The following EPPK1 variants were observed in gnomAD, a reference collection of about 807,000 sequenced individuals.
EPPK1 encodes epiplakin.
For missense variants in EPPK1, 3,823 were observed against 3,673.3 expected (o/e 1.04, Z -1.05); for synonymous variants, 1,862 against 1,721.2 (o/e 1.08, Z -2.03).
Position 143,868,872 on chromosome 8 carries a change from C to A in EPPK1, c.4382G>T (p.Arg1461Met). ...RAMKVPVSTG[R>M]FKGCSVSLWD... ...GAGTGACACGCTACACCCCTTAAAC[C>A]TCCCTGTGCTGACGGGCACCTTCAT... Residue 1461 changes from arginine to methionine, a missense_variant, in exon 2 of 2, where the codon AGG becomes ATG. Arg to Met is a moderately conservative substitution (Grantham distance 91). Transcript: ENST00000615648. The A allele has an allele frequency of 6.2e-7, 1 of 1,610,518 alleles. No individual in the cohort carries two copies.
At chr8:143,878,375 G>GCCCGCACCCGCA (rs1480987671) in intron 1 of EPPK1, 63 bp downstream of exon 1, 18 of 124,748 alleles carry the variant, frequency 1.4e-4, no homozygotes, top group African/African-American at 5.7e-4. Flanking sequence ...CGCCGCACCT[G>GCCCGCACCCGCA]CCCGCACCCG....
In EPPK1 at chr8:143,869,302, C is replaced by G. The variant is rs782252062; in HGVS notation, c.3952G>C (p.Gly1318Arg). ...CCGGCCGCCGCCCTCTCGGCCTGCC[C>G]GAGCTGCTCACTCAGCTCCCTGCCC... is the stretch of plus-strand genomic sequence containing the variant. ...LVGRELSEQL[G>R]QAERAAAGYP... The change falls in exon 2 of 2, where the codon GGG becomes CGG. Residue 1318 changes from glycine (G) to arginine (R), a missense_variant. Gly to Arg is a moderately radical substitution (Grantham distance 125). Coordinates refer to ENST00000615648, the MANE Select transcript of EPPK1 (RefSeq NM_031308.4). 4 of 1,604,760 alleles carry G rather than the reference C, an allele frequency of 2.5e-6. No homozygotes were observed. Among genetic ancestry groups the G allele is most frequent in the Non-Finnish European group, 3.4e-6 (4 of 1,175,378 alleles).
At chr8:143,874,278 G>A (rs1339996367) in intron 1 of EPPK1, among the ~76,000 whole-genome samples, 3 of 152,240 alleles carry the variant, frequency 2.0e-5, no homozygotes, top group Non-Finnish European at 4.4e-5. Flanking sequence ...ACCCAGGCCT[G>A]TCCCCTTCTG....
In EPPK1 at chr8:143,868,604, C is replaced by T. The variant is rs186732658; in HGVS notation, c.4650G>A (p.Gly1550=). ...CCGCCACCTCCTTCACAGTCGTTGT[C>T]CCCTGGCTCAGCTCGTCCAGCGTCT... ...SRKTLDELSQ[G]TTTVKEVAEM... is the part of the protein sequence containing the mutation. Residue 1550 remains glycine, a synonymous_variant, in exon 2 of 2, where the codon GGG becomes GGA. Transcript: ENST00000615648. 3.1e-6 allele frequency: 5 copies of T among 1,603,204 alleles called. No individual in the cohort carries two copies. In the East Asian group the frequency reaches 1.1e-4, roughly 36 times the overall value.
chr8:143,876,931 C>T (rs1245308758), intron 1 of EPPK1, among the ~76,000 whole-genome samples: 2 of 152,178 alleles, frequency 1.3e-5, no homozygotes, highest in Admixed American at 6.5e-5. Flanking sequence ...CTTGGGCGGG[C>T]CCCTGACCTG....
intron 1 of EPPK1, among the ~76,000 whole-genome samples, 155 bp from the exon 2 acceptor site, chr8:143,873,453 G>A (rs1819422090): frequency 2.6e-5 from 4 of 152,092 alleles, no homozygotes. Flanking sequence ...CTGCCCAGGA[G>A]CACTCTGCCG....
intron 1 of EPPK1, 64 bp downstream of exon 1, chr8:143,878,374 T>TGCCCGCACCCGCCGCACCCGCCCGCACCC (rs1819524627): frequency 1.1e-5 from 1 of 92,278 alleles, no homozygotes; most frequent in African/African-American, 5.3e-5. Flanking sequence ...CCGCCGCACC[T>TGCCCGCACCCGCCGCACCCGCCCGCACCC]GCCCGCACCC....
rs1554659715 is a variant in EPPK1 at position 143,867,988 on chromosome 8, G to A, written c.5266C>T (p.Leu1756=). The A allele has an allele frequency of 1.2e-6, 2 of 1,613,700 alleles. No homozygotes were observed. The highest frequency in any genetic ancestry group is 2.2e-5 in the East Asian group (1 of 44,886). ...CVEDPETGLY[L]LQIIKKGENY... ...TCTCCTTTCTTTATGATTTGTAGCAGGTACAGGCCCGTCTCGGGGTCCTCC... is the reference window on the plus strand; with the variant it reads ...TCTCCTTTCTTTATGATTTGTAGCAAGTACAGGCCCGTCTCGGGGTCCTCC... The change falls in exon 2 of 2, where the codon CTG becomes TTG. Residue 1756 remains leucine (L), a synonymous_variant. Coordinates refer to ENST00000615648, the MANE Select transcript of EPPK1 (RefSeq NM_031308.4).
chr8:143,870,307 A>G lies in EPPK1; in HGVS notation c.2947T>C (p.Ser983Pro), dbSNP rs782535367. Residue 983 changes from serine (S) to proline (P), a missense_variant, in exon 2 of 2, where the codon TCG (serine) becomes CCG (proline). Coordinates refer to ENST00000615648, the MANE Select transcript of EPPK1 (RefSeq NM_031308.4). The surrounding 1 kb of genome is among the most constrained non-coding windows in gnomAD (Gnocchi z 5.2). ...CCCCTGCGCACGGCCTCATCCACCGAGAGGCTCTCTGGGCTGTGAGGGTCC... is the reference window on the plus strand; with the variant it reads ...CCCCTGCGCACGGCCTCATCCACCGGGAGGCTCTCTGGGCTGTGAGGGTCC... ...IMDPHSPESL[S>P]VDEAVRRGVV... 15 of 1,577,690 alleles carry G rather than the reference A, an allele frequency of 9.5e-6. No individual in the cohort carries two copies. The highest frequency in any genetic ancestry group is 1.3e-5 in the African/African-American group (1 of 74,078).
Position 143,872,254 on chromosome 8 carries a change from C to T in EPPK1, c.1000G>A (p.Gly334Ser), listed in dbSNP as rs182651591. The change falls in exon 2 of 2, where the codon GGC (glycine) becomes AGC (serine). Residue 334 changes from glycine (G) to serine (S), a missense_variant. Coordinates refer to ENST00000615648, the MANE Select transcript of EPPK1 (RefSeq NM_031308.4). ...GCCTCGTCTACCCACAGCCGCTGGC[C>T]TGTGATGGGGTCCACCAGGGTGTGG... ...ATHTLVDPIT[G>S]QRLWVDEAVR... The T allele has an allele frequency of 1.2e-5, 19 of 1,609,700 alleles. No homozygotes were observed. Among genetic ancestry groups the T allele is most frequent in the East Asian group, 4.5e-5 (2 of 44,854 alleles).
chr8:143,867,677 C>T lies in EPPK1; in HGVS notation c.5577G>A (p.Leu1859=), dbSNP rs782342687. 33 of 1,613,358 alleles carry T rather than the reference C, an allele frequency of 2.0e-5. No homozygotes were observed. The highest frequency in any genetic ancestry group is 2.7e-5 in the Non-Finnish European group (32 of 1,179,842). The change falls in exon 2 of 2, where the codon CTG becomes CTA. Residue 1859 remains leucine (L), a synonymous_variant. Coordinates refer to ENST00000615648, the MANE Select transcript of EPPK1 (RefSeq NM_031308.4). ...TCTGATCGATGACCCTGGAGTTGAA[C>T]AGGTCTGCAGCTGTCACCTCCCCTC... is the stretch of plus-strand genomic sequence containing the variant. The part of the protein sequence containing the change: ...AIRGEVTAAD[L]FNSRVIDQKT...
At position 143,872,826 on chromosome 8, in the gene EPPK1, T is replaced by C. The variant is rs966497949; in HGVS notation, c.428A>G (p.Asp143Gly). Reference protein sequence around the residue: ...LFQAIGKEVVDRALGQSWLEV... With the variant: ...LFQAIGKEVVGRALGQSWLEV... The stretch of plus-strand genomic sequence containing the variant: ...CAGCCAGCTCTGCCCCAGGGCCCTG[T>C]CCACAACCTCCTTCCCGATGGCCTG... The change falls in exon 2 of 2, where the codon GAC becomes GGC. Residue 143 changes from aspartate to glycine, a missense_variant. Asp to Gly is a moderately conservative substitution (Grantham distance 94, BLOSUM62 -1). Transcript: ENST00000615648. 12 of 1,561,446 alleles carry C rather than the reference T, an allele frequency of 7.7e-6. No individual in the cohort carries two copies. Among genetic ancestry groups the C allele is most frequent in the African/African-American group, 1.4e-5 (1 of 73,134 alleles).
rs1039624880 is a variant in EPPK1 at position 143,857,913 on chromosome 8, A to C, written c.*74T>G. ...AAGAATGACAAAAAAAAAAAAAAAA[A>C]AAAAAACAACCCAGACACACAAGTA... On this transcript the variant is annotated 3_prime_UTR_variant, in exon 2 of 2. Transcript: ENST00000615648. 219 of 836,830 alleles carry C rather than the reference A, an allele frequency of 2.6e-4. No individual in the cohort carries two copies. The East Asian group carries it at 3.2e-3, about 12-fold the overall frequency. The allele number at this position is 836,830 out of a possible 1,614,324, so 51.8% of individuals were successfully genotyped here. A position where few individuals can be genotyped will look rare whatever the true frequency, so the allele number is the denominator to read the frequency against.
rs1168680762 is a variant in EPPK1, at chr8:143,878,440, G to A, written c.-48C>T. On this transcript the variant is annotated splice_region_variant and 5_prime_UTR_variant, in exon 1 of 2. Coordinates refer to ENST00000615648, the MANE Select transcript of EPPK1 (RefSeq NM_031308.4). ...CGCACCCGCCGCACCCGCCGCACCT[G>A]CCCGCTCGCCGCTCGGTCCGCAGTG... The A allele has an allele frequency of 5.1e-5, 7 of 136,182 alleles. No individual in the cohort carries two copies. The South Asian group carries it at 5.7e-4, about 11-fold the overall frequency. 8.4% of individuals were successfully genotyped at this position (136,182 alleles called of 1,614,324 possible). A position where few individuals can be genotyped will look rare whatever the true frequency, so the allele number is the denominator to read the frequency against.
Position 143,867,296 on chromosome 8 carries a change from C to T in EPPK1, c.5958G>A (p.Thr1986=), listed in dbSNP as rs377058942. Residue 1986 remains threonine, a synonymous_variant, in exon 2 of 2, where the codon ACG becomes ACA. Coordinates refer to ENST00000615648, the MANE Select transcript of EPPK1 (RefSeq NM_031308.4). ...TCTGCATGGCCTGGAACAGCGGGAT[C>T]GTGTCTCCTGTGGCCGGATCCCTGT... ...TGYRDPATGD[T]IPLFQAMQKQ... is the part of the protein sequence containing the mutation. 27 of 1,612,228 alleles carry T rather than the reference C, an allele frequency of 1.7e-5. No individual in the cohort carries two copies. Among genetic ancestry groups the T allele is most frequent in the African/African-American group, 2.7e-5 (2 of 74,908 alleles).
At chr8:143,877,833 C>T (rs923265806) in intron 1 of EPPK1, among the ~76,000 whole-genome samples, 1 of 151,982 alleles carries the variant, frequency 6.6e-6, no homozygotes, top group African/African-American at 2.4e-5. Flanking sequence ...GGAAGCAGAG[C>T]CCTGGGCCCA....
At position 143,857,917 on chromosome 8, in the gene EPPK1, A is replaced by AAC; in HGVS notation, c.*69_*70insGT. The stretch of plus-strand genomic sequence containing the variant: ...ATGACAAAAAAAAAAAAAAAAAAAA[A>AAC]AACAACCCAGACACACAAGTATGCC... On this transcript the variant is annotated 3_prime_UTR_variant, in exon 2 of 2. Transcript: ENST00000615648. 1 of 822,264 alleles carries AAC rather than the reference A, an allele frequency of 1.2e-6. No homozygotes were observed. Among genetic ancestry groups the AAC allele is most frequent in the Non-Finnish European group, 1.7e-6 (1 of 579,182 alleles). 50.9% of individuals were successfully genotyped at this position (822,264 alleles called of 1,614,324 possible).
Position 143,873,092 on chromosome 8 carries a change from G to A in EPPK1, c.162C>T (p.Ala54=), listed in dbSNP as rs782081958. 6 of 1,555,496 alleles carry A rather than the reference G, an allele frequency of 3.9e-6. No individual in the cohort carries two copies. In the African/African-American group the frequency reaches 5.4e-5, roughly 14 times the overall value. Residue 54 remains alanine, a synonymous_variant, in exon 2 of 2, where the codon GCC becomes GCT. Transcript: ENST00000615648. ...AGVYVEASGQ[A]QSVYAAMEQG... ...GCTCCATGGCGGCGTAGACACTCTG[G>A]GCCTGGCCCGAGGCCTCCACATACA...
At position 143,868,496 on chromosome 8, in the gene EPPK1, G is replaced by T; in HGVS notation, c.4758C>A (p.Ser1586Arg). The T allele has an allele frequency of 6.2e-7, 1 of 1,610,952 alleles. No homozygotes were observed. Among genetic ancestry groups the T allele is most frequent in the African/African-American group, 1.3e-5 (1 of 75,006 alleles). The change falls in exon 2 of 2, where the codon AGC becomes AGA. Residue 1586 changes from serine to arginine, a missense_variant. Physicochemically the swap from Ser to Arg is moderately radical, Grantham distance 110. Coordinates refer to ENST00000615648, the MANE Select transcript of EPPK1 (RefSeq NM_031308.4). Reference sequence around the variant, plus strand: ...TGTGCCTCCTCAGGGCCTCTGGGATGCTCATCCTCTCCTGGGTGCCCTGGA... The same window carrying T: ...TGTGCCTCCTCAGGGCCTCTGGGATTCTCATCCTCTCCTGGGTGCCCTGGA... ...VLIQGTQERM[S>R]IPEALRRHIL... is the part of the protein sequence containing the mutation.
Sources: allele counts gnomAD v4.1 joint callset (sites outside exome capture counted in the v4.1 genomes callset), GRCh38; gene constraint gnomAD v4.1.1; non-coding constraint Gnocchi (gnomAD v3.1); transcripts MANE v1.5; gene names NCBI Gene and HGNC (gene_info 2026-07-23, HGNC 2026-07-21).